The following BMP2K variants were observed in gnomAD, a reference collection of about 807,000 sequenced individuals.
BMP2K encodes the protein BMP-2-inducible protein kinase.
In BMP2K, 74 loss-of-function variants were observed where a neutral mutation model predicts 116.0. The observed-to-expected ratio is 0.64, with a 90% CI of 0.53 to 0.77. The LOEUF is 0.77. Ranked by LOEUF, BMP2K falls within the 30% of genes least tolerant of loss-of-function variation. The probability of loss-of-function intolerance (pLI) is 0.00; values close to 1 mark genes in which losing one functional copy is unlikely to be tolerated. For synonymous variants in BMP2K, 486 were observed against 502.5 expected (o/e 0.97, Z 0.44); for missense variants, 1,365 against 1,403.6 (o/e 0.97, Z 0.44).
rs373942778 is a variant in BMP2K at position 78,878,755 on chromosome 4, C to T, written c.1815C>T (p.Ala605=). The T allele has an allele frequency of 1.2e-4, 194 of 1,611,210 alleles. No homozygotes were observed. Among genetic ancestry groups the T allele is most frequent in the Non-Finnish European group, 1.5e-4 (172 of 1,179,132 alleles). The stretch of plus-strand genomic sequence containing the variant: ...ATAGGTCAGTTGCTGATAAAGAGGC[C>T]ATTGCAAATTTCACAAATCAGAAGA... ...SANRSVADKE[A]IANFTNQKNI... The change falls in exon 14 of 16, where the codon GCC becomes GCT. Residue 605 remains alanine (A), a synonymous_variant. Coordinates refer to ENST00000502613, the MANE Select transcript of BMP2K (RefSeq NM_198892.2).
chr4:78,899,267 G>C (rs1560553146), intron 15 of BMP2K: 1 of 152,198 alleles, frequency 6.6e-6, no homozygotes, highest in Non-Finnish European at 1.5e-5. Flanking sequence ...AGGGGACCTT[G>C]AAGGAAAGAG....
At chr4:78,874,542 T>C (rs1732540713) in intron 13 of BMP2K, among the ~76,000 whole-genome samples, 1 of 152,146 alleles carries the variant, frequency 6.6e-6, no homozygotes, top group Non-Finnish European at 1.5e-5. Flanking sequence ...TGATGCTAAC[T>C]AGCATAAAAA....
intron 14 of BMP2K, among the ~76,000 whole-genome samples, chr4:78,886,257 C>T (rs568372306): frequency 5.5e-4 from 83 of 152,242 alleles, no homozygotes; most frequent in Middle Eastern, 3.4e-3. Context: ...TTAGAGTCTT[C>T]GCTCCAGCTC....
chr4:78,837,417 G>GC (rs1346301793), intron 3 of BMP2K, among the ~76,000 whole-genome samples: 1 of 151,992 alleles, frequency 6.6e-6, no homozygotes. Context: ...CTGGTCTTGA[G>GC]CTCCTGACTT....
chr4:78,896,162 A>G (rs1733687943), intron 15 of BMP2K, among the ~76,000 whole-genome samples: 1 of 152,184 alleles, frequency 6.6e-6, no homozygotes, highest in Admixed American at 6.5e-5. Flanking sequence ...ATTATAAATG[A>G]CATTCATTTT....
intron 15 of BMP2K, among the ~76,000 whole-genome samples, chr4:78,909,374 T>G (rs1329557533): frequency 7.2e-6 from 1 of 139,130 alleles, no homozygotes; most frequent in Non-Finnish European, 1.6e-5. Flanking sequence ...TTTTTTTTTA[T>G]GTAAACCTAA....
At chr4:78,796,888 G>T (rs1728319471) in intron 1 of BMP2K, among the ~76,000 whole-genome samples, 1 of 152,154 alleles carries the variant, frequency 6.6e-6, no homozygotes, top group Non-Finnish European at 1.5e-5. Context: ...ATGTGACCGT[G>T]ATGTAGGAAA....
At chr4:78,798,592 A>G (rs761139878) in intron 1 of BMP2K, among the ~76,000 whole-genome samples, 3 of 152,238 alleles carry the variant, frequency 2.0e-5, no homozygotes, top group Non-Finnish European at 2.9e-5. Context: ...TAGGATGGGC[A>G]GTATTCTTTA....
chr4:78,834,147 T>C (rs1730343047), intron 3 of BMP2K, among the ~76,000 whole-genome samples: 1 of 152,168 alleles, frequency 6.6e-6, no homozygotes, highest in African/African-American at 2.4e-5. Context: ...TTTGTAAACA[T>C]TAGATATAGA....
At chr4:78,819,900 T>C (rs1026806521) in intron 1 of BMP2K, among the ~76,000 whole-genome samples, 3 of 152,224 alleles carry the variant, frequency 2.0e-5, no homozygotes, top group African/African-American at 7.2e-5. Flanking sequence ...TTTCATTTCT[T>C]GTTGGGCACT....
intron 1 of BMP2K, among the ~76,000 whole-genome samples, chr4:78,813,570 T>G (rs900179946): frequency 6.6e-6 from 1 of 152,212 alleles, no homozygotes. Flanking sequence ...CCCTTTGCTG[T>G]TCCTCAAACT....
chr4:78,807,591 A>C (rs745708124), intron 1 of BMP2K, among the ~76,000 whole-genome samples: 4 of 151,002 alleles, frequency 2.6e-5, no homozygotes, highest in African/African-American at 9.7e-5. Context: ...TTACTAACTC[A>C]ATCTCTTTAC....
chr4:78,823,755 G>A (rs747426480), intron 1 of BMP2K, among the ~76,000 whole-genome samples: 3 of 151,806 alleles, frequency 2.0e-5, no homozygotes, highest in African/African-American at 4.8e-5. Context: ...GACCACCTCA[G>A]GCAATTCTGA....
Position 78,845,056 on chromosome 4 carries a change from A to T in BMP2K, c.668+7A>T. 4 of 1,561,510 alleles carry T rather than the reference A, an allele frequency of 2.6e-6. No individual in the cohort carries two copies. The highest frequency in any genetic ancestry group is 3.5e-6 in the Non-Finnish European group (4 of 1,138,164). On this transcript the variant is annotated splice_region_variant and intron_variant, in intron 5 of 15. Coordinates refer to ENST00000502613, the MANE Select transcript of BMP2K (RefSeq NM_198892.2). Reference sequence around the variant, plus strand: ...TAGAAGAAGAAATTAAAAAGTAAGTATTTGTCTTTATTGCACTTTTGTCAT... The same window carrying T: ...TAGAAGAAGAAATTAAAAAGTAAGTTTTTGTCTTTATTGCACTTTTGTCAT...
At position 78,872,694 on chromosome 4, in the gene BMP2K, A is replaced by G. The variant is rs774996037; in HGVS notation, c.1689A>G (p.Glu563=). The change falls in exon 13 of 16, where the codon GAA becomes GAG. Residue 563 remains glutamate (E), a synonymous_variant. Coordinates refer to ENST00000502613, the MANE Select transcript of BMP2K (RefSeq NM_198892.2). ...HQPSQQQASP[E]YLTSPQEFSP... Reference sequence around the variant, plus strand: ...CGTCTCAACAACAGGCATCACCTGAATATCTTACCTCCCCTCAAGAGTTCT... The same window carrying G: ...CGTCTCAACAACAGGCATCACCTGAGTATCTTACCTCCCCTCAAGAGTTCT... 5 of 1,614,024 alleles carry G rather than the reference A, an allele frequency of 3.1e-6. No homozygotes were observed. The highest frequency in any genetic ancestry group is 2.2e-5 in the East Asian group (1 of 44,890).
intron 12 of BMP2K, 84 bp from the exon 13 acceptor site, chr4:78,872,529 AG>A: frequency 8.2e-7 from 1 of 1,225,978 alleles, no homozygotes; most frequent in Middle Eastern, 2.6e-4. Flanking sequence ...CCAATGTGAA[AG>A]GAAGGAACAT....
chr4:78,822,176 T>C (rs1324476398), intron 1 of BMP2K, among the ~76,000 whole-genome samples: 3 of 151,284 alleles, frequency 2.0e-5, no homozygotes, highest in Middle Eastern at 6.8e-3. Context: ...GATGGAGGAT[T>C]GTCCATTATG....
chr4:78,818,791 T>G (rs1283148716), intron 1 of BMP2K, among the ~76,000 whole-genome samples: 1 of 129,866 alleles, frequency 7.7e-6, no homozygotes, highest in African/African-American at 3.4e-5. Context: ...TGAAGCAGTG[T>G]TTTTTTTTTT....
chr4:78,807,639 C>A (rs1402421191), intron 1 of BMP2K, among the ~76,000 whole-genome samples: 1 of 151,452 alleles, frequency 6.6e-6, no homozygotes, highest in African/African-American at 2.4e-5. Flanking sequence ...TTTCTTTTAT[C>A]AAATTGATAA....
Sources: allele counts gnomAD v4.1 joint callset (sites outside exome capture counted in the v4.1 genomes callset), GRCh38; gene constraint gnomAD v4.1.1; transcripts MANE v1.5; gene names NCBI Gene and HGNC (gene_info 2026-07-23, HGNC 2026-07-21).